Variants in RASSF1 observed in about 807,000 individuals in gnomAD.
The protein encoded by RASSF1 is ras association domain-containing protein 1.
In RASSF1, 33 loss-of-function variants were observed where a neutral mutation model predicts 34.3. That is an observed-to-expected ratio of 0.96 (90% CI 0.73 to 1.29). RASSF1 has a LOEUF of 1.29. Ranked by LOEUF, RASSF1 falls within the 50% of genes most tolerant of loss-of-function variation. The pLI, the probability that RASSF1 is intolerant of heterozygous loss-of-function variation, is 0.00. For missense variants in RASSF1, 445 were observed against 471.8 expected (o/e 0.94, Z 0.53); for synonymous variants, 191 against 195.0 (o/e 0.98, Z 0.17).
intron 2 of RASSF1, chr3:50,337,242 G>A (rs1703174845): frequency 1.2e-6 from 2 of 1,613,052 alleles, no homozygotes; most frequent in African/African-American, 2.7e-5. Context: ...CCGAGTCCGA[G>A]TCCTCTTGGC....
At chr3:50,337,861 T>C in intron 2 of RASSF1, 44 bp downstream of exon 2, 1 of 1,505,324 alleles carries the variant, frequency 6.6e-7, no homozygotes, top group South Asian at 1.2e-5. Flanking sequence ...CACTGTGGCC[T>C]GCCCATCCTC....
intron 2 of RASSF1, among the ~76,000 whole-genome samples, chr3:50,334,488 A>T (rs1559842920): frequency 6.6e-6 from 1 of 152,198 alleles, no homozygotes; most frequent in Non-Finnish European, 1.5e-5. Context: ...GGGAAGAAGT[A>T]CCCAGATGGG....
chr3:50,330,647 G>GA lies in RASSF1; in HGVS notation c.956dup (p.Leu320ProfsTer42). The GA allele has an allele frequency of 3.1e-6, 5 of 1,614,154 alleles. No homozygotes were observed. Among genetic ancestry groups the GA allele is most frequent in the Non-Finnish European group, 3.4e-6 (4 of 1,180,010 alleles). Reference sequence around the variant, plus strand: ...GGCGGCAATAGGAGTACTTCTGCAGGATCTGGCGGAGGTGCTCCTCCTCCT... The same window carrying GA: ...GGCGGCAATAGGAGTACTTCTGCAGGAATCTGGCGGAGGTGCTCCTCCTCCT... On this transcript the variant is annotated frameshift_variant, in exon 6 of 6. Transcript: ENST00000359365. LOFTEE classifies it high-confidence loss of function. The surrounding 1 kb of genome is among the most constrained non-coding windows in gnomAD (Gnocchi z 4.5).
chr3:50,335,355 CA>C (rs1185587660), intron 2 of RASSF1, among the ~76,000 whole-genome samples: 1 of 132,634 alleles, frequency 7.5e-6, no homozygotes, highest in Non-Finnish European at 1.6e-5. Flanking sequence ...CTTGCTCTCT[CA>C]TCCAGGCTGG....
chr3:50,332,096 A>ATCT lies in RASSF1; in HGVS notation c.413_415dup (p.Lys138dup). The ATCT allele has an allele frequency of 2.5e-6, 4 of 1,614,072 alleles. No individual in the cohort carries two copies. The highest frequency in any genetic ancestry group is 3.4e-6 in the Non-Finnish European group (4 of 1,180,012). ...GTTGATCTGGGCATTGTACTCCTTG[A>ATCT]TCTTCTGCTCAATCTCAGCTTGAGA... On this transcript the variant is annotated inframe_insertion, in exon 3 of 6. Coordinates refer to ENST00000359365, the MANE Select transcript of RASSF1 (RefSeq NM_007182.5).
intron 3 of RASSF1, 41 bp from the exon 4 acceptor site, chr3:50,331,897 G>C (rs1352873207): frequency 1.3e-6 from 2 of 1,548,388 alleles, no homozygotes; most frequent in African/African-American, 1.4e-5. Flanking sequence ...ATAGGTTCCA[G>C]GTGAGATGTC....
rs1371501770 is a variant in RASSF1 at position 50,331,794 on chromosome 3, A to G, written c.525T>C (p.Ser175=). 5.0e-6 allele frequency: 8 copies of G among 1,602,132 alleles called. No individual in the cohort carries two copies. The highest frequency in any genetic ancestry group is 6.8e-6 in the Non-Finnish European group (8 of 1,170,488). ...AGGGTGGCTTCTTGCTGGAGGGCAC[A>G]GAGACAGGGCGCACCAGCTTCAGCT... The part of the protein sequence containing the change: ...KVQLKLVRPV[S]VPSSKKPPSL... Residue 175 remains serine, a synonymous_variant, in exon 4 of 6, where the codon TCT becomes TCC. Transcript: ENST00000359365.
At chr3:50,339,170 A>G (rs1256265961) in intron 1 of RASSF1, among the ~76,000 whole-genome samples, 2 of 152,180 alleles carry the variant, frequency 1.3e-5, no homozygotes, top group East Asian at 3.8e-4. Context: ...CCTCACTGCT[A>G]CACTTGCCCA....
intron 1 of RASSF1, among the ~76,000 whole-genome samples, chr3:50,339,502 A>G (rs1439648853): frequency 6.8e-6 from 1 of 146,524 alleles, no homozygotes; most frequent in Non-Finnish European, 1.5e-5. Context: ...AGTAGCTGGG[A>G]TTACAGGCAC....
At position 50,330,705 on chromosome 3, in the gene RASSF1, T is replaced by C; in HGVS notation, c.899A>G (p.Glu300Gly). Reference protein sequence around the residue: ...EVNWDAFSMPELHNFLRILQR... With the variant: ...EVNWDAFSMPGLHNFLRILQR... ...CAGGATACGTAGGAAGTTATGTAGT[T>C]CAGGCATGCTGAAGGCGTCCCACTG... The change falls in exon 6 of 6, where the codon GAA becomes GGA. Residue 300 changes from glutamate to glycine, a missense_variant. Physicochemically the swap from Glu to Gly is moderately conservative, Grantham distance 98 (BLOSUM62 -2). Transcript: ENST00000359365. The surrounding 1 kb of genome is among the most constrained non-coding windows in gnomAD (Gnocchi z 4.5). The C allele has an allele frequency of 6.2e-7, 1 of 1,613,952 alleles. No individual in the cohort carries two copies. The highest frequency in any genetic ancestry group is 8.5e-7 in the Non-Finnish European group (1 of 1,179,930).
At position 50,340,556 on chromosome 3, in the gene RASSF1, G is replaced by T. The variant is rs1263807402; in HGVS notation, c.250C>A (p.His84Asn). ...GVVRKGLQCA[H>N]CKFTCHYRCR... ...GTAGGCGCGCGGGGCCACTACTCAC[G>T]CGCGCACTGCAGGCCTTTGCGCACG... is the stretch of plus-strand genomic sequence containing the variant. The change falls in exon 1 of 6, where the codon CAT (histidine) becomes AAT (asparagine). Residue 84 changes from histidine to asparagine, a missense_variant and splice_region_variant. Coordinates refer to ENST00000359365, the MANE Select transcript of RASSF1 (RefSeq NM_007182.5). The T allele has an allele frequency of 1.3e-6, 2 of 1,521,634 alleles. No individual in the cohort carries two copies. The highest frequency in any genetic ancestry group is 1.2e-5 in the South Asian group (1 of 82,804). 94.3% of individuals were successfully genotyped at this position (1,521,634 alleles called of 1,614,324 possible). A position where few individuals can be genotyped will look rare whatever the true frequency, so the allele number is the denominator to read the frequency against.
At chr3:50,334,822 T>C (rs912266640) in intron 2 of RASSF1, among the ~76,000 whole-genome samples, 1 of 152,162 alleles carries the variant, frequency 6.6e-6, no homozygotes, top group Non-Finnish European at 1.5e-5. Flanking sequence ...GAGTTTCTTT[T>C]TCTGTTTCCA....
chr3:50,337,897 G>A lies in RASSF1; in HGVS notation c.357+8C>T, dbSNP rs377159705. The A allele has an allele frequency of 6.3e-7, 1 of 1,590,850 alleles. No individual in the cohort carries two copies. ...GCCCTTCCCATACGCCCTCGGCCCCGCGCTCACCACGTTCGTGTCCCGCTC... is the reference window on the plus strand; with the variant it reads ...GCCCTTCCCATACGCCCTCGGCCCCACGCTCACCACGTTCGTGTCCCGCTC... On this transcript the variant is annotated splice_region_variant and intron_variant, in intron 2 of 5. Coordinates refer to ENST00000359365, the MANE Select transcript of RASSF1 (RefSeq NM_007182.5).
Position 50,331,442 on chromosome 3 carries a change from C to T in RASSF1, c.768G>A (p.Leu256=), listed in dbSNP as rs1454689803. The T allele has an allele frequency of 3.1e-6, 5 of 1,590,316 alleles. No individual in the cohort carries two copies. The highest frequency in any genetic ancestry group is 4.3e-6 in the Non-Finnish European group (5 of 1,165,474). ...GCTGCTCATCATCCAACAGCTTCCG[C>T]AAGTACACTGTGAAGGGGAAGTAAT... The part of the protein sequence containing the change: ...ERAERHGQVY[L]RKLLDDEQPL... The change falls in exon 5 of 6, where the codon TTG becomes TTA. Residue 256 remains leucine, a synonymous_variant. Transcript: ENST00000359365.
chr3:50,330,756 G>C lies in RASSF1; in HGVS notation c.877-29C>G. 1 of 1,607,868 alleles carries C rather than the reference G, an allele frequency of 6.2e-7. No individual in the cohort carries two copies. Among genetic ancestry groups the C allele is most frequent in the Non-Finnish European group, 8.5e-7 (1 of 1,175,642 alleles). On this transcript the variant is annotated intron_variant, in intron 5 of 5. Coordinates refer to ENST00000359365, the MANE Select transcript of RASSF1 (RefSeq NM_007182.5). The surrounding 1 kb of genome is among the most constrained non-coding windows in gnomAD (Gnocchi z 4.5). ...CAAGGGGCAAAAGGGGAGTGTACAG[G>C]CTGCAGAAGGGATGGCCAAGCCAGC...
intron 1 of RASSF1, chr3:50,338,280 TAAA>T (rs2109349082): frequency 8.7e-7 from 1 of 1,155,274 alleles, no homozygotes; most frequent in South Asian, 3.3e-5. Flanking sequence ...CATTGGCAAT[TAAA>T]AAAACAACAA....
rs759722119 is a variant in RASSF1 at position 50,331,378 on chromosome 3, C to G, written c.832G>C (p.Ala278Pro). 6.2e-7 allele frequency: 1 copy of G among 1,607,270 alleles called. No homozygotes were observed. The highest frequency in any genetic ancestry group is 8.5e-7 in the Non-Finnish European group (1 of 1,175,884). Residue 278 changes from alanine to proline, a missense_variant, in exon 5 of 6, where the codon GCC becomes CCC. By Grantham distance (27) the Ala-to-Pro change is conservative. Transcript: ENST00000359365. ...LRLLAGPSDK[A>P]LSFVLKENDS... ...TTTTCCTTCAGGACAAAGCTCAGGGCCTTGTCACTGGGCCCTGCCAGGAGC... is the reference window on the plus strand; with the variant it reads ...TTTTCCTTCAGGACAAAGCTCAGGGGCTTGTCACTGGGCCCTGCCAGGAGC...
In RASSF1 at chr3:50,340,732, C is replaced by G; in HGVS notation, c.74G>C (p.Arg25Pro). The change falls in exon 1 of 6, where the codon CGG becomes CCG. Residue 25 changes from arginine to proline, a missense_variant. Arg to Pro is a moderately radical substitution (Grantham distance 103). Transcript: ENST00000359365. Reference protein sequence around the residue: ...PAGRAGKGRTRLERANALRIA... With the variant: ...PAGRAGKGRTPLERANALRIA... Reference sequence around the variant, plus strand: ...GCGCAGCGCGTTGGCACGCTCCAGCCGGGTGCGGCCCTTCCCAGCGCGCCC... The same window carrying G: ...GCGCAGCGCGTTGGCACGCTCCAGCGGGGTGCGGCCCTTCCCAGCGCGCCC... The G allele has an allele frequency of 2.0e-6, 3 of 1,518,006 alleles. No individual in the cohort carries two copies. The highest frequency in any genetic ancestry group is 2.6e-6 in the Non-Finnish European group (3 of 1,142,546). The allele number at this position is 1,518,006 out of a possible 1,614,324, so 94.0% of individuals were successfully genotyped here.
intron 2 of RASSF1, among the ~76,000 whole-genome samples, 162 bp from the exon 3 acceptor site, chr3:50,332,316 G>A (rs961488152): frequency 5.9e-5 from 9 of 152,154 alleles, no homozygotes; most frequent in Non-Finnish European, 1.0e-4. Context: ...ACTGCTCCTG[G>A]TTTTGCATGC....
Sources: gnomAD v4.1 joint callset for allele counts (sites outside exome capture counted in the v4.1 genomes callset) on GRCh38, gnomAD v4.1.1 for gene constraint, Gnocchi (gnomAD v3.1) non-coding constraint, MANE v1.5 for transcripts, NCBI Gene and HGNC (gene_info 2026-07-23, HGNC 2026-07-21) for gene names.